Variants in DNAH11 observed in about 807,000 individuals in gnomAD.
DNAH11 encodes the protein axonemal beta dynein heavy chain 11.
DNAH11 carries 442 observed loss-of-function variants against 526.0 expected under a neutral mutation model. The ratio of observed to expected loss-of-function variants is 0.84; its 90% CI spans 0.78 to 0.91. The LOEUF is 0.91. DNAH11 is among the 40% of genes least tolerant of loss of function. The probability of loss-of-function intolerance (pLI) is 0.00; values close to 1 mark genes in which losing one functional copy is unlikely to be tolerated. For missense variants in DNAH11, 6,989 were observed against 5,448.7 expected (o/e 1.28, Z -8.90); for synonymous variants, 2,461 against 1,935.9 (o/e 1.27, Z -7.12).
chr7:21,579,771 A>G (rs139536027), intron 8 of DNAH11, among the ~76,000 whole-genome samples: 103 of 152,328 alleles, frequency 6.8e-4, no homozygotes, highest in African/African-American at 2.4e-3. Context: ...GTGACATGAT[A>G]AGATTTCTAT....
rs1784656989 is a variant in DNAH11 at position 21,591,040 on chromosome 7, A to C, written c.2274+18A>C. On this transcript the variant is annotated intron_variant, in intron 13 of 81. Coordinates refer to ENST00000409508, the MANE Select transcript of DNAH11 (RefSeq NM_001277115.2). ...TTTTAAAGGTTTGTGATTTTTGTTA[A>C]AAAAAAGATACTAGGGCCTATTATG... 1 of 1,455,412 alleles carries C rather than the reference A, an allele frequency of 6.9e-7. No individual in the cohort carries two copies. Among genetic ancestry groups the C allele is most frequent in the Non-Finnish European group, 9.1e-7 (1 of 1,102,816 alleles). 90.2% of individuals were successfully genotyped at this position (1,455,412 alleles called of 1,614,324 possible).
Position 21,600,095 on chromosome 7 carries a change from A to C in DNAH11, c.2976A>C (p.Thr992=). 2 of 1,543,118 alleles carry C rather than the reference A, an allele frequency of 1.3e-6. No homozygotes were observed. Among genetic ancestry groups the C allele is most frequent in the Non-Finnish European group, 1.7e-6 (2 of 1,143,386 alleles). Residue 992 remains threonine (T), a synonymous_variant, in exon 15 of 82, where the codon ACA becomes ACC. Transcript: ENST00000409508. ...RMSAQMNRIA[T]HLEIKNYQND... ...CTGCCCAGATGAACCGAATAGCAAC[A>C]CACCTGGAAATTAAAAATTATCAGG...
chr7:21,676,197 C>G (rs1233578472), intron 30 of DNAH11, among the ~76,000 whole-genome samples: 5 of 152,308 alleles, frequency 3.3e-5, no homozygotes, highest in African/African-American at 1.2e-4. Context: ...TACTTGCACT[C>G]TAATGAAGCC....
At chr7:21,822,054 A>C (rs1249054981) in intron 65 of DNAH11, among the ~76,000 whole-genome samples, 4 of 152,086 alleles carry the variant, frequency 2.6e-5, no homozygotes, top group Non-Finnish European at 4.4e-5. Flanking sequence ...CTTTTTATGG[A>C]TGAATAGTAT....
chr7:21,687,550 C>T (rs770566574), intron 34 of DNAH11, 23 bp downstream of exon 34: 1 of 1,608,696 alleles, frequency 6.2e-7, no homozygotes, highest in Non-Finnish European at 8.5e-7. Context: ...CAGGCTATCT[C>T]TTGTTACAAA....
At chr7:21,662,733 C>A (rs1213076734) in intron 30 of DNAH11, among the ~76,000 whole-genome samples, 1 of 152,014 alleles carries the variant, frequency 6.6e-6, no homozygotes, top group Non-Finnish European at 1.5e-5. Flanking sequence ...AATTTTGTGT[C>A]CTTTGACTAA....
chr7:21,863,639 A>T (rs544016712), intron 69 of DNAH11, among the ~76,000 whole-genome samples: 2 of 152,306 alleles, frequency 1.3e-5, no homozygotes, highest in Non-Finnish European at 2.9e-5. Flanking sequence ...CTGCTCATTA[A>T]TAGAAAAAGA....
At chr7:21,775,689 C>A (rs1787641471) in intron 56 of DNAH11, among the ~76,000 whole-genome samples, 1 of 152,026 alleles carries the variant, frequency 6.6e-6, no homozygotes, top group African/African-American at 2.4e-5. Context: ...ACTTTTGCCC[C>A]TCTCCATGTC....
intron 69 of DNAH11, among the ~76,000 whole-genome samples, chr7:21,862,821 TA>T (rs1232791624): frequency 6.6e-6 from 1 of 152,136 alleles, no homozygotes; most frequent in African/African-American, 2.4e-5. Flanking sequence ...CTCACGCCTG[TA>T]ATCCCAGCAC....
At chr7:21,675,709 C>T (rs895685983) in intron 30 of DNAH11, among the ~76,000 whole-genome samples, 1 of 152,102 alleles carries the variant, frequency 6.6e-6, no homozygotes, top group African/African-American at 2.4e-5. Flanking sequence ...TTGATTTGGA[C>T]ACATGCTTTA....
chr7:21,744,587 T>C lies in DNAH11; in HGVS notation c.8304T>C (p.Tyr2768=). 6.2e-7 allele frequency: 1 copy of C among 1,613,142 alleles called. No homozygotes were observed. Among genetic ancestry groups the C allele is most frequent in the Non-Finnish European group, 8.5e-7 (1 of 1,179,718 alleles). ...LFQRRMLETA[Y]KYFEGIDSHM... ...AGAGAAGAATGCTGGAAACTGCTTA[T>C]AAATATTTTGAAGTAAGCGTATGAA... is the stretch of plus-strand genomic sequence containing the variant. The change falls in exon 50 of 82, where the codon TAT becomes TAC. Residue 2768 remains tyrosine (Y), a synonymous_variant. Coordinates refer to ENST00000409508, the MANE Select transcript of DNAH11 (RefSeq NM_001277115.2).
At chr7:21,709,393 A>G (rs918504917) in intron 40 of DNAH11, among the ~76,000 whole-genome samples, 3 of 152,138 alleles carry the variant, frequency 2.0e-5, no homozygotes, top group Non-Finnish European at 4.4e-5. Flanking sequence ...GGACATAAAG[A>G]TGGGAGCCAT....
At position 21,639,867 on chromosome 7, in the gene DNAH11, TG is replaced by T. The variant is rs1291474847; in HGVS notation, c.4944+803del. ...CTATATAATTGTGGAGTTTTCTCCA[TG>T]TTTTTTTTTTCTCAGAAAAATTTTA... is the stretch of plus-strand genomic sequence containing the variant. On this transcript the variant is annotated intron_variant, in intron 28 of 81. Transcript: ENST00000409508. Among the ~76,000 whole-genome samples the T allele has an allele frequency of 8.9e-5, 13 of 145,580 alleles. 1 individual carries two copies. Among genetic ancestry groups the T allele is most frequent in the African/African-American group, 3.3e-4 (12 of 36,830 alleles).
chr7:21,868,793 C>G, intron 72 of DNAH11, 71 bp from the exon 73 acceptor site: 6 of 1,590,836 alleles, frequency 3.8e-6, no homozygotes, highest in Non-Finnish European at 5.1e-6. Flanking sequence ...GTGCATTAGA[C>G]CACAGAATTC....
chr7:21,688,726 A>G (rs1320204288), intron 34 of DNAH11, among the ~76,000 whole-genome samples: 2 of 152,218 alleles, frequency 1.3e-5, no homozygotes, highest in Non-Finnish European at 2.9e-5. Flanking sequence ...AACTTGGGCC[A>G]AGACCTTTCA....
chr7:21,646,237 G>A (rs907353193), intron 28 of DNAH11, among the ~76,000 whole-genome samples: 11 of 152,138 alleles, frequency 7.2e-5, no homozygotes, highest in Non-Finnish European at 1.5e-4. Context: ...TGAGATAACA[G>A]GATGGCCAAG....
rs1785919312 is a variant in DNAH11 at position 21,741,958 on chromosome 7, C to T, written c.7946C>T (p.Pro2649Leu). The T allele has an allele frequency of 6.2e-7, 1 of 1,613,742 alleles. No homozygotes were observed. The highest frequency in any genetic ancestry group is 1.7e-5 in the Admixed American group (1 of 59,996). ...RHFTVFAFNF[P>L]SLDALNTIYG... ...TTCACAGTGTTTGCATTCAATTTTC[C>T]ATCTTTGGATGCACTAAACACCATC... Residue 2649 changes from proline to leucine, a missense_variant, in exon 49 of 82, where the codon CCA becomes CTA. Physicochemically the swap from Pro to Leu is moderately conservative, Grantham distance 98. Transcript: ENST00000409508.
intron 49 of DNAH11, among the ~76,000 whole-genome samples, chr7:21,744,081 TAA>T (rs77180960): frequency 6.6e-6 from 1 of 151,930 alleles, no homozygotes; most frequent in Admixed American, 6.6e-5. Flanking sequence ...GATTTTATAG[TAA>T]AAAAAATATG....
chr7:21,655,963 G>C lies in DNAH11; in HGVS notation c.5076G>C (p.Glu1692Asp). The C allele has an allele frequency of 6.2e-7, 1 of 1,604,234 alleles. No individual in the cohort carries two copies. The highest frequency in any genetic ancestry group is 8.5e-7 in the Non-Finnish European group (1 of 1,174,216). Residue 1692 changes from glutamate (E) to aspartate (D), a missense_variant, in exon 29 of 82, where the codon GAG becomes GAC. Glu to Asp is a conservative substitution (Grantham distance 45). Transcript: ENST00000409508. ...AGGAGTATGTCCCATTCCAAGCCGA[G>C]TGTGAATGTGTGGGCCATGTAAGAT... ...KEKEYVPFQA[E>D]CECVGHVETW...
Sources: allele counts gnomAD v4.1 joint callset (sites outside exome capture counted in the v4.1 genomes callset), GRCh38; gene constraint gnomAD v4.1.1; transcripts MANE v1.5; gene names NCBI Gene and HGNC (gene_info 2026-07-23, HGNC 2026-07-21).